The following SLCO1B3 variants were observed in gnomAD, a reference collection of about 807,000 sequenced individuals.
SLCO1B3 encodes solute carrier organic anion transporter family member 1B3, also known as liver-specific organic anion transporter 2.
In SLCO1B3, 72 loss-of-function variants were observed where a neutral mutation model predicts 71.8. That is an observed-to-expected ratio of 1.00 (90% CI 0.83 to 1.22). The LOEUF is 1.22. Ranked by LOEUF, SLCO1B3 falls within the 50% of genes most tolerant of loss-of-function variation. The pLI is 0.00. For synonymous variants in SLCO1B3, 298 were observed against 278.4 expected (o/e 1.07, Z -0.70); for missense variants, 911 against 819.7 (o/e 1.11, Z -1.36).
chr12:20,862,449 T>G lies in SLCO1B3; in HGVS notation c.519T>G (p.Tyr173Ter). The G allele has an allele frequency of 2.5e-6, 4 of 1,613,092 alleles. No individual in the cohort carries two copies. The highest frequency in any genetic ancestry group is 3.4e-6 in the Non-Finnish European group (4 of 1,179,288). Residue 173 changes from tyrosine to a stop codon, truncating the protein, a stop_gained, in exon 7 of 16, where the codon TAT becomes TAG. Coordinates refer to ENST00000381545, the MANE Select transcript of SLCO1B3 (RefSeq NM_019844.4). LOFTEE classifies it high-confidence loss of function. ...AATCTGGGTCACACATGTGGATCTA[T>G]GTCTTCATGGGGAATATGCTTCGTG... is the stretch of plus-strand genomic sequence containing the variant. Reference protein sequence around the residue: ...VKESGSHMWIYVFMGNMLRGI... With the variant: ...VKESGSHMWI
At chr12:20,825,943 A>AAT (rs1192867129) in intron 3 of SLCO1B3, among the ~76,000 whole-genome samples, 10 of 152,236 alleles carry the variant, frequency 6.6e-5, no homozygotes, top group African/African-American at 2.2e-4. Flanking sequence ...AAGCAAATAA[A>AAT]AACTTAATAA....
intron 10 of SLCO1B3, 81 bp from the exon 11 acceptor site, chr12:20,879,355 A>G (rs1865644772): frequency 1.9e-6 from 2 of 1,040,586 alleles, no homozygotes; most frequent in Non-Finnish European, 2.8e-6. Context: ...TGGTTGATAT[A>G]CACTGTGTTT....
intron 3 of SLCO1B3, among the ~76,000 whole-genome samples, chr12:20,819,198 CAT>C (rs1864246629): frequency 6.6e-6 from 1 of 152,104 alleles, no homozygotes; most frequent in Non-Finnish European, 1.5e-5. Context: ...ATTCTGACCA[CAT>C]TAACCATGCC....
intron 13 of SLCO1B3, among the ~76,000 whole-genome samples, chr12:20,896,444 C>G (rs1866008759): frequency 6.6e-6 from 1 of 152,268 alleles, no homozygotes; most frequent in East Asian, 1.9e-4. Flanking sequence ...CAAAGTTCCA[C>G]AAATCTCTAG....
chr12:20,904,439 A>G (rs908795015), intron 15 of SLCO1B3, among the ~76,000 whole-genome samples: 5 of 152,088 alleles, frequency 3.3e-5, no homozygotes, highest in African/African-American at 9.7e-5. Context: ...CTAGGGCACA[A>G]TGATGCAAGA....
intron 10 of SLCO1B3, 81 bp downstream of exon 10, chr12:20,878,017 A>T (rs1240204713): frequency 2.1e-6 from 2 of 939,026 alleles, no homozygotes; most frequent in Non-Finnish European, 3.2e-6. Context: ...TTTATTATGA[A>T]GGTGATTTTA....
intron 5 of SLCO1B3, among the ~76,000 whole-genome samples, chr12:20,859,484 T>C (rs556126141): frequency 5.2e-5 from 2 of 38,498 alleles, no homozygotes; most frequent in African/African-American, 8.3e-5. Context: ...ATGAATTCTG[T>C]TTTTTTCCCC....
At chr12:20,903,736 T>C (rs1386890848) in intron 15 of SLCO1B3, among the ~76,000 whole-genome samples, 3 of 152,076 alleles carry the variant, frequency 2.0e-5, no homozygotes, top group Non-Finnish European at 2.9e-5. Flanking sequence ...AACATGAAAT[T>C]TGGGCAGAGA....
chr12:20,874,516 T>G (rs924265911), intron 8 of SLCO1B3, among the ~76,000 whole-genome samples: 1 of 152,192 alleles, frequency 6.6e-6, no homozygotes. Context: ...ATCTCATGGA[T>G]GCATTCCTGT....
At chr12:20,840,786 T>G (rs1864781772) in intron 3 of SLCO1B3, among the ~76,000 whole-genome samples, 1 of 152,164 alleles carries the variant, frequency 6.6e-6, no homozygotes, top group Non-Finnish European at 1.5e-5. Flanking sequence ...TTACCTCAGG[T>G]CAGTTAAGCT....
At chr12:20,872,019 AG>A (rs1408259043) in intron 8 of SLCO1B3, among the ~76,000 whole-genome samples, 3 of 152,122 alleles carry the variant, frequency 2.0e-5, no homozygotes, top group African/African-American at 7.2e-5. Flanking sequence ...CTGAGAGCCA[AG>A]GATTGGAGCA....
intron 15 of SLCO1B3, among the ~76,000 whole-genome samples, 155 bp from the exon 16 acceptor site, chr12:20,915,848 GC>G (rs1866482243): frequency 6.6e-6 from 1 of 151,998 alleles, no homozygotes; most frequent in South Asian, 2.1e-4. Context: ...AATATCTTAT[GC>G]CCCCAATGAA....
intron 15 of SLCO1B3, among the ~76,000 whole-genome samples, chr12:20,904,123 C>G (rs1412244017): frequency 6.6e-6 from 1 of 151,734 alleles, no homozygotes; most frequent in African/African-American, 2.4e-5. Context: ...GCCTGTAGTC[C>G]CAGCTACTTG....
At chr12:20,899,776 T>C (rs1474532440) in intron 14 of SLCO1B3, among the ~76,000 whole-genome samples, 1 of 152,184 alleles carries the variant, frequency 6.6e-6, no homozygotes, top group Non-Finnish European at 1.5e-5. Context: ...TAGAAGACAT[T>C]GTTTAAGCAA....
At chr12:20,848,315 T>C (rs2121198786) in intron 3 of SLCO1B3, among the ~76,000 whole-genome samples, 1 of 152,292 alleles carries the variant, frequency 6.6e-6, no homozygotes, top group South Asian at 2.1e-4. Context: ...GTGAGTAACA[T>C]TCCAAACACA....
At chr12:20,839,476 C>T (rs1026781205) in intron 3 of SLCO1B3, among the ~76,000 whole-genome samples, 1 of 151,896 alleles carries the variant, frequency 6.6e-6, no homozygotes, top group African/African-American at 2.4e-5. Context: ...ATTTTTATTC[C>T]ACTCTTTCTG....
chr12:20,883,725 G>A lies in SLCO1B3; in HGVS notation c.1682+123G>A, dbSNP rs544475903. 8.0e-6 allele frequency: 5 copies of A among 621,394 alleles called. No individual in the cohort carries two copies. The South Asian group carries it at 9.5e-5, about 12-fold the overall frequency. 38.5% of individuals were successfully genotyped at this position (621,394 alleles called of 1,614,324 possible). ...TGTCAATTTTTAATTCTTTGAGAATGCATTTTCTTAGAATTATTTTGATAT... is the reference window on the plus strand; with the variant it reads ...TGTCAATTTTTAATTCTTTGAGAATACATTTTCTTAGAATTATTTTGATAT... On this transcript the variant is annotated intron_variant, in intron 13 of 15. Coordinates refer to ENST00000381545, the MANE Select transcript of SLCO1B3 (RefSeq NM_019844.4).
chr12:20,840,063 T>A (rs1401382316), intron 3 of SLCO1B3, among the ~76,000 whole-genome samples: 4 of 152,194 alleles, frequency 2.6e-5, no homozygotes, highest in Admixed American at 1.3e-4. Context: ...TTGCATACTG[T>A]CTCTTTTACT....
At chr12:20,888,530 A>G (rs1865835558) in intron 13 of SLCO1B3, among the ~76,000 whole-genome samples, 1 of 151,988 alleles carries the variant, frequency 6.6e-6, no homozygotes, top group Admixed American at 6.6e-5. Context: ...ATTTTTGTAC[A>G]TTGGTTTTGT....
Sources: allele counts gnomAD v4.1 joint callset (sites outside exome capture counted in the v4.1 genomes callset), GRCh38; gene constraint gnomAD v4.1.1; transcripts MANE v1.5; gene names NCBI Gene and HGNC (gene_info 2026-07-23, HGNC 2026-07-21).